COL25A1: variants seen among roughly 807,000 people sequenced by gnomAD.
COL25A1 encodes the protein collagen alpha-1(XXV) chain.
In COL25A1, 103 loss-of-function variants were observed where a neutral mutation model predicts 128.4. The ratio of observed to expected loss-of-function variants is 0.80; its 90% CI spans 0.68 to 0.94. COL25A1 has a LOEUF of 0.94. Ranked by LOEUF, COL25A1 falls within the 40% of genes least tolerant of loss-of-function variation. The pLI is 0.00. For synonymous variants in COL25A1, 279 were observed against 277.2 expected (o/e 1.01, Z -0.06); for missense variants, 745 against 840.0 (o/e 0.89, Z 1.40).
chr4:109,199,373 G>A (rs1776372691), intron 3 of COL25A1, among the ~76,000 whole-genome samples: 1 of 151,960 alleles, frequency 6.6e-6, no homozygotes, highest in African/African-American at 2.4e-5. Flanking sequence ...TTCGTACTCT[G>A]GGCTCAAGGG....
At chr4:108,820,978 G>A (rs961094385) in intron 35 of COL25A1, among the ~76,000 whole-genome samples, 1 of 152,158 alleles carries the variant, frequency 6.6e-6, no homozygotes, top group African/African-American at 2.4e-5. Context: ...CAGGGAGTTA[G>A]TGCCGTGCAG....
intron 24 of COL25A1, among the ~76,000 whole-genome samples, chr4:108,857,140 G>A (rs78316117): frequency 1.3e-5 from 2 of 152,198 alleles, no homozygotes; most frequent in Admixed American, 6.6e-5. Flanking sequence ...GTTCTTGGAG[G>A]ATAAGAAAGT....
chr4:109,088,332 C>A (rs1042560703), intron 3 of COL25A1, among the ~76,000 whole-genome samples: 3 of 152,142 alleles, frequency 2.0e-5, no homozygotes, highest in Non-Finnish European at 4.4e-5. Context: ...GGTTCCGATG[C>A]CACCTGTGGC....
chr4:108,857,631 AC>A (rs1375470130), intron 24 of COL25A1, among the ~76,000 whole-genome samples: 1 of 152,056 alleles, frequency 6.6e-6, no homozygotes. Context: ...AAGAACCTAT[AC>A]AGGTACAGAT....
intron 6 of COL25A1, among the ~76,000 whole-genome samples, chr4:108,977,295 C>T (rs978707775): frequency 2.0e-5 from 3 of 152,160 alleles, no homozygotes; most frequent in African/African-American, 7.2e-5. Context: ...ACCTTTTTAT[C>T]TCTTACCCCC....
chr4:109,260,191 T>C (rs1781346270), intron 3 of COL25A1, among the ~76,000 whole-genome samples: 7 of 152,212 alleles, frequency 4.6e-5, no homozygotes, highest in Admixed American at 4.6e-4. Context: ...TGTAAGTTCT[T>C]TGAAGTATCT....
chr4:108,920,758 G>C lies in COL25A1; in HGVS notation c.709-154C>G, dbSNP rs181328185. 4.7e-3 allele frequency among the ~76,000 whole-genome samples: 707 copies of C among 151,780 alleles called. 9 individuals are homozygous for C. The highest frequency in any genetic ancestry group is 4.4e-3 in the Non-Finnish European group (298 of 67,942). On this transcript the variant is annotated intron_variant, in intron 11 of 37. Coordinates refer to ENST00000399132, the MANE Select transcript of COL25A1 (RefSeq NM_198721.4). Reference sequence around the variant, plus strand: ...GAAAAAAAAAGAAAAATTTCAGTTTGAAGTTCCAAGTGGATCTTTTCTTCT... The same window carrying C: ...GAAAAAAAAAGAAAAATTTCAGTTTCAAGTTCCAAGTGGATCTTTTCTTCT...
At chr4:108,852,763 T>C (rs1172625165) in intron 25 of COL25A1, 139 bp downstream of exon 25, 1 of 667,672 alleles carries the variant, frequency 1.5e-6, no homozygotes, top group Non-Finnish European at 2.5e-6. Context: ...CTGGAGCAAA[T>C]GTAAAAGATT....
intron 3 of COL25A1, among the ~76,000 whole-genome samples, chr4:109,090,474 G>C (rs1335880850): frequency 3.3e-5 from 5 of 152,110 alleles, no homozygotes; most frequent in African/African-American, 1.2e-4. Flanking sequence ...AGGCTGTTAG[G>C]AAACTATGAA....
chr4:109,023,441 T>C (rs551470044), intron 5 of COL25A1, among the ~76,000 whole-genome samples: 1 of 152,322 alleles, frequency 6.6e-6, no homozygotes, highest in East Asian at 1.9e-4. Context: ...CTGCTGTTGA[T>C]TAAATAGTAA....
Position 108,870,180 on chromosome 4 carries a change from C to T in COL25A1, c.1021-1030G>A, listed in dbSNP as rs368239119. Among the ~76,000 whole-genome samples the T allele has an allele frequency of 2.8e-4, 43 of 152,124 alleles. No homozygotes were observed. The South Asian group carries it at 8.1e-3, about 29-fold the overall frequency. ...CTGAGGCGGGAGGATCGTTTGAGCC[C>T]GGGAGGTTGAGGCTGCAGTGAGCCG... On this transcript the variant is annotated intron_variant, in intron 19 of 37. Transcript: ENST00000399132.
At chr4:108,864,175 G>C (rs978415294) in intron 20 of COL25A1, among the ~76,000 whole-genome samples, 5 of 152,114 alleles carry the variant, frequency 3.3e-5, no homozygotes, top group South Asian at 2.1e-4. Flanking sequence ...GAAATGGTTT[G>C]GTAAATGCCT....
At chr4:109,175,132 G>A (rs778991765) in intron 3 of COL25A1, among the ~76,000 whole-genome samples, 5 of 152,168 alleles carry the variant, frequency 3.3e-5, no homozygotes, top group Non-Finnish European at 5.9e-5. Context: ...TGCCAAAAAG[G>A]TTGGGGACCT....
intron 3 of COL25A1, among the ~76,000 whole-genome samples, chr4:109,127,619 C>T (rs1488586001): frequency 1.3e-5 from 2 of 152,046 alleles, no homozygotes; most frequent in Non-Finnish European, 2.9e-5. Flanking sequence ...TGAGCCACCG[C>T]GCCTGGCCAA....
chr4:108,834,282 C>A, intron 31 of COL25A1: 1 of 1,433,190 alleles, frequency 7.0e-7, no homozygotes, highest in East Asian at 2.5e-5. Flanking sequence ...GGACATGGAG[C>A]AAAGGGGTCT....
chr4:108,861,626 G>A (rs1737235371), intron 22 of COL25A1, among the ~76,000 whole-genome samples: 1 of 152,184 alleles, frequency 6.6e-6, no homozygotes, highest in African/African-American at 2.4e-5. Flanking sequence ...AAATTTATCT[G>A]AAGTTTCATT....
At chr4:109,198,972 GA>G (rs1691397870) in intron 3 of COL25A1, among the ~76,000 whole-genome samples, 1 of 152,120 alleles carries the variant, frequency 6.6e-6, no homozygotes, top group African/African-American at 2.4e-5. Context: ...ACCCTATTGG[GA>G]TAGCAGGGAA....
At chr4:109,299,365 ACT>A (rs1241269183) in intron 3 of COL25A1, among the ~76,000 whole-genome samples, 28 of 152,304 alleles carry the variant, frequency 1.8e-4, no homozygotes, top group Admixed American at 1.8e-3. Context: ...TCAAAGGTTA[ACT>A]CTGTTTTTCT....
intron 10 of COL25A1, among the ~76,000 whole-genome samples, chr4:108,940,253 A>C (rs1392327797): frequency 6.6e-6 from 1 of 152,182 alleles, no homozygotes; most frequent in East Asian, 1.9e-4. Flanking sequence ...GGCTTACCTC[A>C]AAAACAGTTT....
Sources: allele counts gnomAD v4.1 joint callset (sites outside exome capture counted in the v4.1 genomes callset), GRCh38; gene constraint gnomAD v4.1.1; transcripts MANE v1.5; gene names NCBI Gene and HGNC (gene_info 2026-07-23, HGNC 2026-07-21).